Variants in CNTNAP4 observed in about 807,000 individuals in gnomAD.
The protein encoded by CNTNAP4 is contactin-associated protein-like 4.
CNTNAP4 carries 98 observed loss-of-function variants against 148.4 expected under a neutral mutation model. That is an observed-to-expected ratio of 0.66 (90% CI 0.56 to 0.78). The LOEUF (loss-of-function observed/expected upper bound fraction) is 0.78, where lower values mean the gene tolerates loss of function less well. Ranked by LOEUF, CNTNAP4 falls within the 30% of genes least tolerant of loss-of-function variation. The pLI, the probability that CNTNAP4 is intolerant of heterozygous loss-of-function variation, is 0.00. For missense variants in CNTNAP4, 1,935 were observed against 1,565.6 expected, an observed-to-expected ratio of 1.24 and a Z score of -3.98; for synonymous variants, 730 against 565.1, an observed-to-expected ratio of 1.29 and a Z score of -4.14.
intron 3 of CNTNAP4, among the ~76,000 whole-genome samples, chr16:76,373,637 G>A (rs951102881): frequency 1.3e-5 from 2 of 152,128 alleles, no homozygotes; most frequent in Non-Finnish European, 2.9e-5. Context: ...TCTCATGCCT[G>A]TAATCTCAGC....
chr16:76,409,034 A>T (rs5021011), intron 3 of CNTNAP4, among the ~76,000 whole-genome samples: 55,103 of 151,808 alleles, frequency 0.36, 11,271 homozygotes, highest in Non-Finnish European at 0.44. Context: ...TTTCATTACT[A>T]TACATTTGTG....
intron 3 of CNTNAP4, among the ~76,000 whole-genome samples, chr16:76,421,997 A>C (rs968147867): frequency 6.6e-6 from 1 of 152,194 alleles, no homozygotes; most frequent in African/African-American, 2.4e-5. Flanking sequence ...CTTGGCTTTT[A>C]TACGTGAGTT....
chr16:76,458,424 A>G (rs1283469755), intron 8 of CNTNAP4, among the ~76,000 whole-genome samples: 2 of 152,114 alleles, frequency 1.3e-5, no homozygotes, highest in African/African-American at 4.8e-5. Flanking sequence ...TTATTGTAAT[A>G]TATAGTGAAA....
At chr16:76,313,773 A>G (rs1483641781) in intron 1 of CNTNAP4, among the ~76,000 whole-genome samples, 1 of 152,224 alleles carries the variant, frequency 6.6e-6, no homozygotes, top group Non-Finnish European at 1.5e-5. Context: ...AACTTAATAA[A>G]ATTTCAGGTG....
intron 1 of CNTNAP4, among the ~76,000 whole-genome samples, chr16:76,292,559 G>A (rs375340126): frequency 1.3e-5 from 2 of 152,144 alleles, no homozygotes; most frequent in African/African-American, 4.8e-5. Context: ...GCAGGTTTTC[G>A]GTTGTAACCA....
In CNTNAP4 at chr16:76,522,063, T is replaced by C. The variant is rs1427689019; in HGVS notation, c.2561T>C (p.Phe854Ser). 3.7e-6 allele frequency: 6 copies of C among 1,613,802 alleles called. No homozygotes were observed. Among genetic ancestry groups the C allele is most frequent in the African/African-American group, 1.3e-5 (1 of 74,914 alleles). Reference sequence around the variant, plus strand: ...GCTCCGACAGTAGTGACTTTTTCATTTGATGTGGGGAATGGGCCTTTTGAA... The same window carrying C: ...GCTCCGACAGTAGTGACTTTTTCATCTGATGTGGGGAATGGGCCTTTTGAA... ...LRSPTVVTFS[F>S]DVGNGPFEIS... Residue 854 changes from phenylalanine to serine, a missense_variant, in exon 17 of 24, where the codon TTT (phenylalanine) becomes TCT (serine). Physicochemically the swap from Phe to Ser is radical, Grantham distance 155. Transcript: ENST00000611870.
chr16:76,394,998 A>C (rs1018566840), intron 3 of CNTNAP4, among the ~76,000 whole-genome samples: 3 of 152,170 alleles, frequency 2.0e-5, no homozygotes, highest in African/African-American at 7.2e-5. Context: ...TAGAACAACT[A>C]GGCAATTCGG....
intron 3 of CNTNAP4, among the ~76,000 whole-genome samples, chr16:76,370,614 G>A (rs1228426211): frequency 6.6e-6 from 1 of 152,194 alleles, no homozygotes; most frequent in Non-Finnish European, 1.5e-5. Context: ...AATGTTTTGG[G>A]TCAGAGCAGG....
intron 21 of CNTNAP4, among the ~76,000 whole-genome samples, chr16:76,541,915 C>G (rs1028403208): frequency 1.3e-5 from 2 of 152,118 alleles, no homozygotes; most frequent in African/African-American, 4.8e-5. Flanking sequence ...CTGAAAAATT[C>G]CAAGGGAGTC....
chr16:76,345,560 T>C (rs149957630), intron 2 of CNTNAP4, among the ~76,000 whole-genome samples: 7 of 152,076 alleles, frequency 4.6e-5, no homozygotes, highest in African/African-American at 9.7e-5. Context: ...CTGGAGGACA[T>C]TGGGGATGCG....
At chr16:76,378,154 G>C (rs920837096) in intron 3 of CNTNAP4, among the ~76,000 whole-genome samples, 7 of 152,050 alleles carry the variant, frequency 4.6e-5, no homozygotes, top group African/African-American at 1.7e-4. Flanking sequence ...GAGAGGGTGA[G>C]GGATGAAAAA....
chr16:76,353,979 T>G (rs937802719), intron 2 of CNTNAP4, among the ~76,000 whole-genome samples: 1 of 152,210 alleles, frequency 6.6e-6, no homozygotes, highest in Non-Finnish European at 1.5e-5. Context: ...GGGTCATGTA[T>G]GCCAAGAATA....
At chr16:76,293,368 C>T (rs1959171727) in intron 1 of CNTNAP4, among the ~76,000 whole-genome samples, 1 of 152,068 alleles carries the variant, frequency 6.6e-6, no homozygotes, top group South Asian at 2.1e-4. Flanking sequence ...TCTCGTTTTT[C>T]ACTATTCACA....
intron 3 of CNTNAP4, among the ~76,000 whole-genome samples, chr16:76,393,435 A>G (rs910585070): frequency 6.6e-5 from 10 of 152,194 alleles, no homozygotes; most frequent in African/African-American, 2.4e-4. Context: ...TTTGGAATTT[A>G]TATATTCATT....
chr16:76,340,891 G>A (rs750245397), intron 2 of CNTNAP4, among the ~76,000 whole-genome samples: 2 of 152,126 alleles, frequency 1.3e-5, no homozygotes, highest in African/African-American at 4.8e-5. Flanking sequence ...TCCTCCAGTG[G>A]TGCTAATTTT....
intron 3 of CNTNAP4, among the ~76,000 whole-genome samples, chr16:76,371,258 C>T (rs1296153487): frequency 6.6e-6 from 1 of 151,986 alleles, no homozygotes; most frequent in Non-Finnish European, 1.5e-5. Flanking sequence ...ATATATGTAC[C>T]TTAATACACA....
chr16:76,443,024 T>C lies in CNTNAP4; in HGVS notation c.539-4988T>C, dbSNP rs115783512. Among the ~76,000 whole-genome samples the C allele has an allele frequency of 9.5e-3, 1,450 of 152,242 alleles. 15 individuals carry two copies. Among genetic ancestry groups the C allele is most frequent in the African/African-American group, 0.027 (1,129 of 41,548 alleles). ...AATTTGTCAGAACAATTTGCAACTG[T>C]GGTCAGAGAACTAGAGTTCATACCC... On this transcript the variant is annotated intron_variant, in intron 4 of 23. Coordinates refer to ENST00000611870, the MANE Select transcript of CNTNAP4 (RefSeq NM_033401.5).
intron 2 of CNTNAP4, among the ~76,000 whole-genome samples, chr16:76,329,244 G>T (rs1200604717): frequency 6.6e-6 from 1 of 152,068 alleles, no homozygotes; most frequent in Non-Finnish European, 1.5e-5. Flanking sequence ...TGGGTGTTTA[G>T]GCATCCATAA....
chr16:76,467,624 T>G, intron 10 of CNTNAP4, 101 bp downstream of exon 10: 1 of 961,070 alleles, frequency 1.0e-6, no homozygotes, highest in Non-Finnish European at 1.5e-6. Context: ...TTCCCCATTC[T>G]TATCTGTTCC....
Sources: allele counts gnomAD v4.1 joint callset (sites outside exome capture counted in the v4.1 genomes callset), GRCh38; gene constraint gnomAD v4.1.1; transcripts MANE v1.5; gene names NCBI Gene and HGNC (gene_info 2026-07-23, HGNC 2026-07-21).